Variants in PROSER3 observed in about 807,000 individuals in gnomAD.
PROSER3 encodes proline and serine-rich protein 3.
PROSER3 carries 33 observed loss-of-function variants against 50.2 expected under a neutral mutation model. The observed-to-expected ratio is 0.66, with a 90% CI of 0.50 to 0.88. PROSER3 has a LOEUF of 0.88. Among genes scored for constraint, PROSER3 ranks in the 40% least tolerant of loss-of-function variants. The probability of loss-of-function intolerance (pLI) is 0.00; values close to 1 mark genes in which losing one functional copy is unlikely to be tolerated. For synonymous variants in PROSER3, 266 were observed against 259.3 expected, an observed-to-expected ratio of 1.03 and a Z score of -0.25; for missense variants, 623 against 612.7, an observed-to-expected ratio of 1.02 and a Z score of -0.18.
At chr19:35,768,030 T>G (rs758207881) in exon 9 of PROSER3, 2 of 1,582,594 alleles carry the variant, frequency 1.3e-6, no homozygotes, top group African/African-American at 1.3e-5. Flanking sequence ...GAGGCCCTGC[T>G]TGCCCAGGCC....
chr19:35,764,749 G>A (rs931821910), intron 5 of PROSER3, 105 bp from the exon 6 acceptor site: 36 of 1,000,402 alleles, frequency 3.6e-5, no homozygotes, highest in Non-Finnish European at 5.4e-5. Context: ...GCTGGCATGT[G>A]AGGTTACCAA....
chr19:35,759,585 C>T (rs1970886098), intron 2 of PROSER3, 115 bp downstream of exon 2: 1 of 1,100,740 alleles, frequency 9.1e-7, no homozygotes, highest in Non-Finnish European at 1.3e-6. Flanking sequence ...GAGACAGCCC[C>T]TTGTCCCCTC....
In PROSER3 at chr19:35,767,952, C is replaced by T. The variant is rs767973048; in HGVS notation, c.1106C>T (p.Pro369Leu). 36 of 1,610,370 alleles carry T rather than the reference C, an allele frequency of 2.2e-5. No individual in the cohort carries two copies. Among genetic ancestry groups the T allele is most frequent in the Non-Finnish European group, 2.9e-5 (34 of 1,179,388 alleles). The change falls in exon 9 of 11, where the codon CCA becomes CTA. Residue 369 changes from proline to leucine, a missense_variant. Pro to Leu is a moderately conservative substitution (Grantham distance 98). Coordinates refer to ENST00000396908, the Ensembl canonical transcript of PROSER3. ...GCAACCACAGTCAAGGCCTCGCCGC[C>T]AGCCTTCCAGGTGGGGTCTCCGGAG...
intron 5 of PROSER3, 84 bp from the exon 6 acceptor site, chr19:35,764,770 A>C: frequency 2.4e-6 from 3 of 1,267,064 alleles, no homozygotes; most frequent in Non-Finnish European, 3.3e-6. Flanking sequence ...GGGCAGTACA[A>C]CCTGCATTCC....
exon 3 of PROSER3, chr19:35,759,972 G>C: frequency 6.3e-7 from 1 of 1,598,736 alleles, no homozygotes; most frequent in Non-Finnish European, 8.5e-7. Context: ...GATTGACAGC[G>C]GGGACTCCGT....
At chr19:35,767,098 C>A in intron 8 of PROSER3, 1 of 1,110,532 alleles carries the variant, frequency 9.0e-7, no homozygotes, top group Non-Finnish European at 1.2e-6. Flanking sequence ...TGGAGACCCT[C>A]AGTTCTCTGG....
chr19:35,758,234 C>T lies in PROSER3; in HGVS notation c.11+8C>T. On this transcript the variant is annotated splice_region_variant and intron_variant, in intron 1 of 10. Coordinates refer to ENST00000396908, the Ensembl canonical transcript of PROSER3. ...CCGCGGGATGGACCGCAGGTGAGGC[C>T]GATCGCTCTTCCAGGGACTACAGGA... The T allele has an allele frequency of 3.2e-6, 5 of 1,562,220 alleles. No homozygotes were observed. The highest frequency in any genetic ancestry group is 4.3e-6 in the Non-Finnish European group (5 of 1,153,266).
intron 8 of PROSER3, chr19:35,767,769 C>G (rs757354855): frequency 1.6e-5 from 26 of 1,589,314 alleles, no homozygotes; most frequent in African/African-American, 1.3e-5. Context: ...ACCAAGGTCA[C>G]TCCCCCTCCA....
intron 3 of PROSER3, among the ~76,000 whole-genome samples, chr19:35,760,307 T>A (rs772533150): frequency 6.6e-6 from 1 of 152,102 alleles, no homozygotes; most frequent in Non-Finnish European, 1.5e-5. Context: ...AACCTCAAAC[T>A]CCTGGGCTCA....
At chr19:35,760,330 A>T (rs1970916465) in intron 3 of PROSER3, among the ~76,000 whole-genome samples, 1 of 151,982 alleles carries the variant, frequency 6.6e-6, no homozygotes, top group Admixed American at 6.6e-5. Context: ...CCGTCCTCCC[A>T]CCTCAGCCTC....
At chr19:35,761,099 G>T (rs948063642) in intron 3 of PROSER3, among the ~76,000 whole-genome samples, 1 of 152,166 alleles carries the variant, frequency 6.6e-6, no homozygotes, top group Admixed American at 6.5e-5. Context: ...TTCCTTCATG[G>T]TGCAAAATGG....
intron 1 of PROSER3, chr19:35,758,649 A>C: frequency 5.3e-6 from 1 of 187,556 alleles, no homozygotes. Flanking sequence ...CGGTGATATA[A>C]TCCAGCCGCG....
In PROSER3 at chr19:35,768,578, C is replaced by CTT. The variant is rs113059159; in HGVS notation, c.*45_*46dup. On this transcript the variant is annotated 3_prime_UTR_variant, in exon 11 of 11. Coordinates refer to ENST00000396908, the Ensembl canonical transcript of PROSER3. ...AGATTCTATTTTACCCAGTGAGGCT[C>CTT]TTTTTTTTTTTTTCATACAGTTACT... The CTT allele has an allele frequency of 3.6e-3, 4,696 of 1,292,628 alleles. 1 individual carries two copies. The highest frequency in any genetic ancestry group is 0.011 in the East Asian group (434 of 38,504). The allele number at this position is 1,292,628 out of a possible 1,614,324, so 80.1% of individuals were successfully genotyped here.
rs372790406 is a variant in PROSER3, at chr19:35,768,391, G to A, written c.1302-13G>A. On this transcript the variant is annotated splice_polypyrimidine_tract_variant and intron_variant, in intron 10 of 10. Coordinates refer to ENST00000396908, the Ensembl canonical transcript of PROSER3. ...CACATACCCCAGCCTCTGCTCTCCC[G>A]GCCTTTCTCCAGGGAAGCGGATGCC... 5.0e-6 allele frequency: 8 copies of A among 1,593,178 alleles called. No homozygotes were observed. The highest frequency in any genetic ancestry group is 4.0e-5 in the African/African-American group (3 of 74,672).
rs145448540 is a variant in PROSER3 at position 35,768,731 on chromosome 19, G to A, written c.*186G>A. On this transcript the variant is annotated 3_prime_UTR_variant, in exon 11 of 11. Coordinates refer to ENST00000396908, the Ensembl canonical transcript of PROSER3. ...CACCCCTTCCTGACCACGGAAACAA[G>A]ATCTCCTTTCTGGTTATATCTTCCT... is the stretch of plus-strand genomic sequence containing the variant. The A allele has an allele frequency of 3.6e-4, 221 of 606,024 alleles. No homozygotes were observed. In the African/African-American group the frequency reaches 3.8e-3, roughly 11 times the overall value. 37.5% of individuals were successfully genotyped at this position (606,024 alleles called of 1,614,324 possible).
chr19:35,760,883 C>T (rs1311697787), intron 3 of PROSER3, among the ~76,000 whole-genome samples: 1 of 152,202 alleles, frequency 6.6e-6, no homozygotes, highest in Non-Finnish European at 1.5e-5. Context: ...CTCACATAGT[C>T]ACCACTTAGA....
At chr19:35,758,405 C>CG in intron 1 of PROSER3, 179 bp downstream of exon 1, 1 of 724,764 alleles carries the variant, frequency 1.4e-6, no homozygotes, top group South Asian at 2.3e-5. Flanking sequence ...GTTAGCATCC[C>CG]GGGGGTCCCC....
At chr19:35,768,018 C>T (rs765512025) in exon 9 of PROSER3, 7 of 1,585,698 alleles carry the variant, frequency 4.4e-6, no homozygotes, top group South Asian at 1.1e-5. Flanking sequence ...CACGCCCCCT[C>T]GGAGGCCCTG....
chr19:35,758,183 C>G (rs552482889), exon 1 of PROSER3: 61 of 1,554,370 alleles, frequency 3.9e-5, no homozygotes, highest in Non-Finnish European at 4.7e-5. Context: ...GGTGAAGGAG[C>G]AGAGCGGCCG....
Sources: allele counts gnomAD v4.1 joint callset (sites outside exome capture counted in the v4.1 genomes callset), GRCh38; gene constraint gnomAD v4.1.1; transcripts MANE v1.5; gene names NCBI Gene and HGNC (gene_info 2026-07-23, HGNC 2026-07-21).